The following PTPRD variants were observed in gnomAD, a reference collection of about 807,000 sequenced individuals.
PTPRD encodes the protein receptor-type tyrosine-protein phosphatase delta.
PTPRD carries 34 observed loss-of-function variants against 214.5 expected under a neutral mutation model. That is an observed-to-expected ratio of 0.16 (90% CI 0.12 to 0.21). The LOEUF is 0.21. Among genes scored for constraint, PTPRD ranks in the 10% least tolerant of loss-of-function variants. The probability of loss-of-function intolerance (pLI) is 1.00; values close to 1 mark genes in which losing one functional copy is unlikely to be tolerated. For synonymous variants in PTPRD, 1,128 were observed against 845.7 expected, an observed-to-expected ratio of 1.33 and a Z score of -5.79; for missense variants, 2,545 against 2,398.7, an observed-to-expected ratio of 1.06 and a Z score of -1.27.
chr9:8,370,207 T>TACACACAC (rs78658053), intron 39 of PTPRD, among the ~76,000 whole-genome samples: 35 of 82,076 alleles, frequency 4.3e-4, no homozygotes, highest in African/African-American at 1.2e-3. Flanking sequence ...CATATATATA[T>TACACACAC]ACACACACAC....
At chr9:9,230,894 T>C (rs2099962694) in intron 9 of PTPRD, among the ~76,000 whole-genome samples, 1 of 152,126 alleles carries the variant, frequency 6.6e-6, no homozygotes, top group African/African-American at 2.4e-5. Context: ...TGCCAAACAA[T>C]TAATTCTGGA....
chr9:9,844,728 G>C (rs571118347), intron 5 of PTPRD, among the ~76,000 whole-genome samples: 1 of 151,652 alleles, frequency 6.6e-6, no homozygotes, highest in African/African-American at 2.4e-5. Context: ...TCATTAACTA[G>C]AATTTGTTTA....
intron 7 of PTPRD, among the ~76,000 whole-genome samples, chr9:9,678,804 T>C (rs1226947413): frequency 2.0e-5 from 3 of 151,942 alleles, no homozygotes; most frequent in Non-Finnish European, 4.4e-5. Context: ...TTCCAGTGAA[T>C]GATCTCTCAC....
At chr9:9,055,633 G>A (rs1344505240) in intron 10 of PTPRD, among the ~76,000 whole-genome samples, 1 of 151,944 alleles carries the variant, frequency 6.6e-6, no homozygotes, top group Non-Finnish European at 1.5e-5. Flanking sequence ...CGTAGTAAAA[G>A]TTGAGTATAT....
chr9:9,184,957 TTTTG>T (rs1186870711), intron 9 of PTPRD, among the ~76,000 whole-genome samples: 11 of 152,112 alleles, frequency 7.2e-5, no homozygotes, highest in Non-Finnish European at 1.2e-4. Flanking sequence ...TAAAATTTGA[TTTTG>T]TTTAAGAGCT....
chr9:8,951,160 A>AGTGTGTGTGT (rs746693477), intron 11 of PTPRD, among the ~76,000 whole-genome samples: 22 of 20,004 alleles, frequency 1.1e-3, no homozygotes, highest in East Asian at 2.7e-3. Flanking sequence ...TGTGTGTGTA[A>AGTGTGTGTGT]GAGAGAGAGA....
intron 35 of PTPRD, among the ~76,000 whole-genome samples, chr9:8,420,347 T>C (rs942682307): frequency 6.6e-6 from 1 of 152,214 alleles, no homozygotes; most frequent in African/African-American, 2.4e-5. Flanking sequence ...GGAGCATTCA[T>C]GATCTTGAAA....
At chr9:8,935,775 G>A (rs1056495443) in intron 11 of PTPRD, among the ~76,000 whole-genome samples, 3 of 152,160 alleles carry the variant, frequency 2.0e-5, no homozygotes, top group Non-Finnish European at 4.4e-5. Flanking sequence ...GAACAGGATA[G>A]TGATTCTTAC....
rs190452592 is a variant in PTPRD, at chr9:9,188,406, C to T, written c.-202-5043G>A. The stretch of plus-strand genomic sequence containing the variant: ...GTGGAATTGCTGGATCATCTGGTTA[C>T]GTATATGTTAAATTTCAATAGATAA... On this transcript the variant is annotated intron_variant, in intron 9 of 45. Coordinates refer to ENST00000381196, the MANE Select transcript of PTPRD (RefSeq NM_002839.4). Among the ~76,000 whole-genome samples the T allele has an allele frequency of 1.1e-4, 17 of 152,008 alleles. No homozygotes were observed. The South Asian group carries it at 1.5e-3, about 13-fold the overall frequency.
chr9:9,880,207 C>A (rs1030681377), intron 5 of PTPRD, among the ~76,000 whole-genome samples: 7 of 152,144 alleles, frequency 4.6e-5, no homozygotes, highest in Non-Finnish European at 2.9e-5. Flanking sequence ...GTAAGACATG[C>A]CTGCTTCCCC....
At chr9:9,665,342 G>T (rs1332307902) in intron 7 of PTPRD, among the ~76,000 whole-genome samples, 1 of 151,722 alleles carries the variant, frequency 6.6e-6, no homozygotes, top group Non-Finnish European at 1.5e-5. Flanking sequence ...TATACACTTA[G>T]AAAAGTGGCT....
chr9:9,634,737 G>C (rs1357187946), intron 7 of PTPRD, among the ~76,000 whole-genome samples: 1 of 152,078 alleles, frequency 6.6e-6, no homozygotes. Context: ...AGATTTCTGT[G>C]CATACTACGT....
chr9:9,320,230 A>C (rs776408768), intron 9 of PTPRD, among the ~76,000 whole-genome samples: 1 of 152,082 alleles, frequency 6.6e-6, no homozygotes, highest in Non-Finnish European at 1.5e-5. Flanking sequence ...CCCATGTTTT[A>C]ATAAAAAGGA....
chr9:9,935,222 C>T (rs1239431790), intron 5 of PTPRD, among the ~76,000 whole-genome samples: 1 of 151,766 alleles, frequency 6.6e-6, no homozygotes, highest in Admixed American at 6.6e-5. Flanking sequence ...AAGTTCTGGC[C>T]AGGGCAATCA....
At chr9:9,084,080 T>A (rs1271238713) in intron 10 of PTPRD, among the ~76,000 whole-genome samples, 1 of 152,054 alleles carries the variant, frequency 6.6e-6, no homozygotes, top group Non-Finnish European at 1.5e-5. Flanking sequence ...TATAAATCAT[T>A]CTACTATAAA....
intron 5 of PTPRD, among the ~76,000 whole-genome samples, chr9:9,868,751 T>TTTTTTTTTTTTTTTTTTTTTTTTG (rs2064668379): frequency 6.6e-6 from 1 of 151,938 alleles, no homozygotes; most frequent in African/African-American, 2.4e-5. Context: ...AATGAAATCT[T>TTTTTTTTTTTTTTTTTTTTTTTTG]AAAAACTTTC....
At chr9:9,785,728 C>T (rs2098918122) in intron 5 of PTPRD, among the ~76,000 whole-genome samples, 2 of 151,996 alleles carry the variant, frequency 1.3e-5, no homozygotes, top group Admixed American at 1.3e-4. Flanking sequence ...AATAATGTCT[C>T]ATATTAATTA....
intron 10 of PTPRD, among the ~76,000 whole-genome samples, chr9:9,114,179 G>T (rs1195933827): frequency 2.0e-5 from 3 of 152,108 alleles, no homozygotes. Context: ...CAATCATGTT[G>T]CCTTTAAGGT....
intron 9 of PTPRD, among the ~76,000 whole-genome samples, chr9:9,248,682 G>C (rs965920522): frequency 1.3e-5 from 2 of 152,034 alleles, no homozygotes; most frequent in Non-Finnish European, 2.9e-5. Flanking sequence ...ATACAGTCTA[G>C]CTAAGGGAAT....
Sources: allele counts gnomAD v4.1 joint callset (sites outside exome capture counted in the v4.1 genomes callset), GRCh38; gene constraint gnomAD v4.1.1; transcripts MANE v1.5; gene names NCBI Gene and HGNC (gene_info 2026-07-23, HGNC 2026-07-21).